The following LTA4H variants were observed in gnomAD, a reference collection of about 807,000 sequenced individuals.
The protein encoded by LTA4H is leukotriene A4 hydrolase.
Under a neutral mutation model 89.8 loss-of-function variants are expected in LTA4H, and 59 were observed. The observed-to-expected ratio is 0.66, with a 90% CI of 0.53 to 0.82. The LOEUF (loss-of-function observed/expected upper bound fraction) is 0.82. Ranked by LOEUF, LTA4H falls within the 40% of genes least tolerant of loss-of-function variation. The pLI is 0.00. For synonymous variants in LTA4H, 227 were observed against 253.1 expected, an observed-to-expected ratio of 0.90 and a Z score of 0.98; for missense variants, 617 against 727.0, an observed-to-expected ratio of 0.85 and a Z score of 1.74.
Position 96,029,150 on chromosome 12 carries a change from T to C in LTA4H, c.195A>G (p.Val65=). The C allele has an allele frequency of 6.4e-7, 1 of 1,574,392 alleles. No individual in the cohort carries two copies. Among genetic ancestry groups the C allele is most frequent in the Non-Finnish European group, 8.7e-7 (1 of 1,151,224 alleles). The change falls in exon 2 of 19, where the codon GTA becomes GTG. Residue 65 remains valine, a synonymous_variant. Transcript: ENST00000228740. ...ATTTGACTTCTTGTCCATTGATCAC[T>C]ACTTTTTCTATTGTAAGGTCCTTTG... ...LDTKDLTIEK[V]VINGQEVKYA... is the part of the protein sequence containing the mutation.
intron 1 of LTA4H, among the ~76,000 whole-genome samples, chr12:96,031,165 T>G (rs1592898323): frequency 6.6e-6 from 1 of 152,218 alleles, no homozygotes; most frequent in East Asian, 1.9e-4. Context: ...TACCCTTTCC[T>G]ATAATACTTA....
intron 18 of LTA4H, 67 bp downstream of exon 18, chr12:96,002,893 T>C (rs1372982715): frequency 9.3e-7 from 1 of 1,075,456 alleles, no homozygotes; most frequent in African/African-American, 1.6e-5. Context: ...AGATTACGTT[T>C]AAATATTTGA....
chr12:96,024,634 A>C, intron 3 of LTA4H, 87 bp from the exon 4 acceptor site: 2 of 836,516 alleles, frequency 2.4e-6, no homozygotes, highest in South Asian at 2.9e-5. Flanking sequence ...CATTGTTCTT[A>C]GACATTAAAA....
At position 96,035,474 on chromosome 12, in the gene LTA4H, C is replaced by T. The variant is rs1425533202; in HGVS notation, c.46G>A (p.Val16Ile). The change falls in exon 1 of 19, where the codon GTC (valine) becomes ATC (isoleucine). Residue 16 changes from valine to isoleucine, a missense_variant. Around this residue, in one of 3 missense-constraint regions of LTA4H, gnomAD observed 155 missense variants for 143.3 expected, o/e 1.08. Coordinates refer to ENST00000228740, the MANE Select transcript of LTA4H (RefSeq NM_000895.3). ...DTCSLASPAS[V>I]CRTKHLHLRC... ...AGGTGCAGGTGCTTGGTCCGGCAGA[C>T]GGAAGCCGGAGAGGCCAACGAACAG... 6.2e-7 allele frequency: 1 copy of T among 1,608,870 alleles called. No homozygotes were observed.
At chr12:96,018,732 C>G in intron 8 of LTA4H, 31 bp downstream of exon 8, 2 of 1,494,466 alleles carry the variant, frequency 1.3e-6, no homozygotes, top group Middle Eastern at 1.8e-4. Context: ...TTTGAAACGT[C>G]AATTTCAAAT....
rs1950388351 is a variant in LTA4H at position 96,017,023 on chromosome 12, AAAT to A, written c.947+18_947+20del. The stretch of plus-strand genomic sequence containing the variant: ...AAATCAGCAACATGAACCAATAAAG[AAAT>A]AATAACAAAAATCTTACCAAAAGTG... On this transcript the variant is annotated intron_variant, in intron 10 of 18. Coordinates refer to ENST00000228740, the MANE Select transcript of LTA4H (RefSeq NM_000895.3). The A allele has an allele frequency of 6.4e-7, 1 of 1,559,010 alleles. No individual in the cohort carries two copies. The highest frequency in any genetic ancestry group is 8.8e-7 in the Non-Finnish European group (1 of 1,130,156).
chr12:96,016,342 G>A (rs928099928), intron 10 of LTA4H, among the ~76,000 whole-genome samples: 5 of 150,888 alleles, frequency 3.3e-5, no homozygotes, highest in African/African-American at 7.3e-5. Flanking sequence ...TGGGCGTGGC[G>A]GCTTATGCCT....
upstream of LTA4H, among the ~76,000 whole-genome samples, chr12:96,036,264 C>T (rs1364544099): frequency 6.6e-6 from 1 of 152,132 alleles, no homozygotes; most frequent in Non-Finnish European, 1.5e-5. Context: ...ATGCACTGGT[C>T]GCAATGGGAG....
At chr12:96,031,445 C>T (rs899133072) in intron 1 of LTA4H, among the ~76,000 whole-genome samples, 2 of 152,084 alleles carry the variant, frequency 1.3e-5, no homozygotes, top group East Asian at 3.8e-4. Context: ...AAAAAATAGT[C>T]AAAAACTGTA....
At chr12:96,021,268 G>T in intron 5 of LTA4H, 131 bp from the exon 6 acceptor site, 1 of 586,562 alleles carries the variant, frequency 1.7e-6, no homozygotes, top group African/African-American at 2.0e-5. Context: ...GGATAACTTT[G>T]CTTTTATACT....
chr12:96,016,298 C>CAAAAA (rs762615863), intron 10 of LTA4H, among the ~76,000 whole-genome samples: 1 of 55,608 alleles, frequency 1.8e-5, no homozygotes, highest in Non-Finnish European at 3.4e-5. Flanking sequence ...GACTCCATCT[C>CAAAAA]AAAAAAAAAA....
chr12:96,015,053 G>A (rs1006429384), intron 11 of LTA4H, 54 bp from the exon 12 acceptor site: 26 of 1,531,786 alleles, frequency 1.7e-5, no homozygotes, highest in Middle Eastern at 1.7e-4. Flanking sequence ...CTATCACCAC[G>A]CAAATAAGCT....
intron 6 of LTA4H, among the ~76,000 whole-genome samples, chr12:96,019,858 C>G (rs935788951): frequency 1.3e-5 from 2 of 151,532 alleles, no homozygotes; most frequent in African/African-American, 4.8e-5. Flanking sequence ...CCTCGGCCAC[C>G]CAAATTGCTG....
Position 96,015,660 on chromosome 12 carries a change from G to T in LTA4H, c.982C>A (p.His328Asn), listed in dbSNP as rs200021597. Residue 328 changes from histidine to asparagine, a missense_variant, in exon 11 of 19, where the codon CAC becomes AAC. Physicochemically the swap from His to Asn is moderately conservative, Grantham distance 68. This residue lies in a region of LTA4H where 290 missense variants were observed against 339.1 expected (regional missense o/e 0.86). Transcript: ENST00000228740. ...TCACCAAACAATCGTCCGCAAATGTGGCGTTCCAAGTACACAGTATGTCCC... is the reference window on the plus strand; with the variant it reads ...TCACCAAACAATCGTCCGCAAATGTTGCGTTCCAAGTACACAGTATGTCCC... The part of the protein sequence containing the change: ...NEGHTVYLER[H>N]ICGRLFGEKF... 227 of 1,613,560 alleles carry T rather than the reference G, an allele frequency of 1.4e-4. No homozygotes were observed. Among genetic ancestry groups the T allele is most frequent in the Non-Finnish European group, 1.9e-4 (220 of 1,179,720 alleles).
At chr12:96,029,257 TACA>T (rs532720198) in intron 1 of LTA4H, 72 bp from the exon 2 acceptor site, 15 of 792,768 alleles carry the variant, frequency 1.9e-5, no homozygotes, top group Non-Finnish European at 2.9e-5. Context: ...AGATATAGGC[TACA>T]ACAACTAGTT....
At chr12:96,009,560 T>G (rs1364051471) in intron 14 of LTA4H, 1 of 168,286 alleles carries the variant, frequency 5.9e-6, no homozygotes, top group African/African-American at 2.4e-5. Context: ...TCCAAACATC[T>G]AATCATCTAA....
At chr12:96,011,346 T>C (rs1950298634) in intron 14 of LTA4H, 1 of 152,234 alleles carries the variant, frequency 6.6e-6, no homozygotes, top group African/African-American at 2.4e-5. Context: ...ACCAGACTGC[T>C]GACCACTCTC....
At chr12:96,023,432 C>A (rs907973879) in intron 4 of LTA4H, among the ~76,000 whole-genome samples, 16 of 151,766 alleles carry the variant, frequency 1.1e-4, no homozygotes, top group African/African-American at 3.9e-4. Flanking sequence ...CCCAGGCTGG[C>A]CTTGAACTTC....
At chr12:96,008,193 A>C (rs1474947572) in intron 15 of LTA4H, among the ~76,000 whole-genome samples, 1 of 152,186 alleles carries the variant, frequency 6.6e-6, no homozygotes, top group Non-Finnish European at 1.5e-5. Flanking sequence ...CTGAACTTAA[A>C]AGTTGAAATT....
Sources: allele counts gnomAD v4.1 joint callset (sites outside exome capture counted in the v4.1 genomes callset), GRCh38; gene constraint gnomAD v4.1.1; regional missense constraint gnomAD v4.1.1; transcripts MANE v1.5; gene names NCBI Gene and HGNC (gene_info 2026-07-23, HGNC 2026-07-21).